The following DAPK1 variants were observed in gnomAD, a reference collection of about 807,000 sequenced individuals.
DAPK1 encodes death-associated protein kinase 1.
In DAPK1, 56 loss-of-function variants were observed where a neutral mutation model predicts 144.9. The observed-to-expected ratio is 0.39, with a 90% confidence interval of 0.31 to 0.48. The LOEUF (loss-of-function observed/expected upper bound fraction) is 0.48. Among genes scored for constraint, DAPK1 ranks in the 20% least tolerant of loss-of-function variants. The pLI is 0.95. For missense variants in DAPK1, 1,454 were observed against 1,875.4 expected (o/e 0.78, Z 4.15); for synonymous variants, 690 against 749.0 (o/e 0.92, Z 1.29).
chr9:87,549,683 C>A (rs1332305708), intron 2 of DAPK1, among the ~76,000 whole-genome samples: 2 of 152,224 alleles, frequency 1.3e-5, no homozygotes, highest in African/African-American at 2.4e-5. Flanking sequence ...CCTCCTTTTA[C>A]ATTGCTTTTA....
intron 2 of DAPK1, among the ~76,000 whole-genome samples, chr9:87,514,083 C>A (rs542025965): frequency 1.3e-5 from 2 of 152,160 alleles, no homozygotes; most frequent in Admixed American, 6.5e-5. Flanking sequence ...TTCCCCCACC[C>A]TCTGTAGAGA....
At chr9:87,596,273 G>A (rs528481145) in intron 2 of DAPK1, among the ~76,000 whole-genome samples, 6 of 152,290 alleles carry the variant, frequency 3.9e-5, no homozygotes, top group African/African-American at 1.2e-4. Flanking sequence ...GTATAGATAC[G>A]CACTGGGCAT....
intron 7 of DAPK1, 53 bp downstream of exon 7, chr9:87,639,868 G>A (rs1830036571): frequency 6.3e-7 from 1 of 1,586,382 alleles, no homozygotes; most frequent in Non-Finnish European, 8.6e-7. Flanking sequence ...GAGACCATAG[G>A]TTTAATTAAC....
chr9:87,549,469 G>T (rs945734966), intron 2 of DAPK1, among the ~76,000 whole-genome samples: 1 of 152,112 alleles, frequency 6.6e-6, no homozygotes, highest in Non-Finnish European at 1.5e-5. Context: ...GATTGCTGGG[G>T]ATTTCATTCT....
intron 2 of DAPK1, among the ~76,000 whole-genome samples, chr9:87,560,557 A>T (rs1452299318): frequency 1.3e-5 from 2 of 152,010 alleles, no homozygotes; most frequent in African/African-American, 4.8e-5. Flanking sequence ...ACTACTTTAG[A>T]TACCTCACAT....
rs142560362 is a variant in DAPK1, at chr9:87,606,527, TTCCTTCCC to T, written c.284+1353_284+1360del. On this transcript the variant is annotated intron_variant, in intron 3 of 25. Coordinates refer to ENST00000408954, the MANE Select transcript of DAPK1 (RefSeq NM_004938.4). Reference sequence around the variant, plus strand: ...CCTCCCTCTCTCCTTCCTTCCTTCCTTCCTTCCCCCCTCCCTCCCTCTCTCCCTCTCTC... The same window carrying T: ...CCTCCCTCTCTCCTTCCTTCCTTCCTCCCTCCCTCCCTCTCTCCCTCTCTC... Among the ~76,000 whole-genome samples, 499 of 102,454 alleles carry T rather than the reference TTCCTTCCC, an allele frequency of 4.9e-3. 6 individuals are homozygous for T. The highest frequency in any genetic ancestry group is 0.019 in the African/African-American group (463 of 24,648). 67.2% of individuals were successfully genotyped at this position (102,454 alleles called of 152,430 possible). A position where few individuals can be genotyped will look rare whatever the true frequency, so the allele number is the denominator to read the frequency against.
intron 11 of DAPK1, 23 bp downstream of exon 11, chr9:87,643,491 G>A (rs1390624046): frequency 4.2e-6 from 6 of 1,437,846 alleles, no homozygotes; most frequent in Non-Finnish European, 5.8e-6. Flanking sequence ...GTGAGCCCTG[G>A]TGCTCCTTTC....
intron 2 of DAPK1, among the ~76,000 whole-genome samples, chr9:87,520,123 A>G (rs1825241391): frequency 6.6e-6 from 1 of 152,210 alleles, no homozygotes; most frequent in Non-Finnish European, 1.5e-5. Flanking sequence ...ATGCTTGTAG[A>G]AAGGTGTATC....
rs1825698679 is a variant in DAPK1, at chr9:87,707,912, G to T, written c.*548G>T. ...ATGTGAGTGCCTTTTGCAGAAGAGGGTGTGTTTGAAATCATCGGAGTCAGC... is the reference window on the plus strand; with the variant it reads ...ATGTGAGTGCCTTTTGCAGAAGAGGTTGTGTTTGAAATCATCGGAGTCAGC... On this transcript the variant is annotated 3_prime_UTR_variant, in exon 26 of 26. Coordinates refer to ENST00000408954, the MANE Select transcript of DAPK1 (RefSeq NM_004938.4). The surrounding 1 kb of genome is among the most constrained non-coding windows in gnomAD (Gnocchi z 4.0). The T allele has an allele frequency of 2.2e-6, 1 of 455,624 alleles. No individual in the cohort carries two copies. Among genetic ancestry groups the T allele is most frequent in the African/African-American group, 2.0e-5 (1 of 50,038 alleles). The allele number at this position is 455,624 out of a possible 1,614,324, so 28.2% of individuals were successfully genotyped here.
chr9:87,571,498 A>ACACACACACACACACACACACACAC (rs1554684284), intron 2 of DAPK1, among the ~76,000 whole-genome samples: 19 of 46,500 alleles, frequency 4.1e-4, no homozygotes, highest in East Asian at 1.0e-3. Flanking sequence ...CACACACCCC[A>ACACACACACACACACACACACACAC]ACACACACAC....
At chr9:87,511,202 C>T (rs1824828023) in intron 2 of DAPK1, among the ~76,000 whole-genome samples, 1 of 152,196 alleles carries the variant, frequency 6.6e-6, no homozygotes, top group South Asian at 2.1e-4. Flanking sequence ...CTTTGCTTGT[C>T]TGTTCCATTT....
intron 2 of DAPK1, among the ~76,000 whole-genome samples, chr9:87,582,848 C>T (rs1310715846): frequency 6.6e-6 from 1 of 152,040 alleles, no homozygotes; most frequent in Non-Finnish European, 1.5e-5. Flanking sequence ...CCACCGCGCC[C>T]AGCCAGTTCT....
Position 87,707,433 on chromosome 9 carries a change from C to G in DAPK1, c.*69C>G. 1 of 1,084,116 alleles carries G rather than the reference C, an allele frequency of 9.2e-7. No individual in the cohort carries two copies. Among genetic ancestry groups the G allele is most frequent in the Non-Finnish European group, 1.3e-6 (1 of 745,132 alleles). The allele number at this position is 1,084,116 out of a possible 1,614,324, so 67.2% of individuals were successfully genotyped here. A position where few individuals can be genotyped will look rare whatever the true frequency, so the allele number is the denominator to read the frequency against. ...CAAGGGGGTGATGTAGCCCATCCTT[C>G]CCTTTGGAGATGCTGAGGGTGTTTC... is the stretch of plus-strand genomic sequence containing the variant. On this transcript the variant is annotated 3_prime_UTR_variant, in exon 26 of 26. Coordinates refer to ENST00000408954, the MANE Select transcript of DAPK1 (RefSeq NM_004938.4). This position sits in a 1 kb window ranked among gnomAD's most constrained non-coding sequence, Gnocchi z 4.0.
At chr9:87,542,515 G>A (rs1264740659) in intron 2 of DAPK1, among the ~76,000 whole-genome samples, 3 of 152,194 alleles carry the variant, frequency 2.0e-5, no homozygotes, top group Non-Finnish European at 4.4e-5. Context: ...GAGCTGTCCT[G>A]TGCCATAGGG....
chr9:87,612,670 G>A (rs1169006754), intron 3 of DAPK1, among the ~76,000 whole-genome samples: 1 of 152,206 alleles, frequency 6.6e-6, no homozygotes, highest in African/African-American at 2.4e-5. Context: ...AATTCTATAA[G>A]CAAGTTAGAA....
intron 13 of DAPK1, 131 bp downstream of exon 13, chr9:87,646,690 G>A (rs905057638): frequency 1.5e-6 from 1 of 670,576 alleles, no homozygotes; most frequent in South Asian, 1.9e-5. Flanking sequence ...AAGATGAGCT[G>A]CTTTTAAACA....
At chr9:87,506,406 G>C (rs1824595765) in intron 2 of DAPK1, among the ~76,000 whole-genome samples, 1 of 152,224 alleles carries the variant, frequency 6.6e-6, no homozygotes, top group Admixed American at 6.5e-5. Flanking sequence ...TTTCCAAATG[G>C]CTTCAGCCTT....
At chr9:87,608,986 G>A (rs1476446559) in intron 3 of DAPK1, among the ~76,000 whole-genome samples, 1 of 152,162 alleles carries the variant, frequency 6.6e-6, no homozygotes, top group East Asian at 1.9e-4. Context: ...ATGTTTTTGG[G>A]GTGAGATTAG....
chr9:87,590,381 AAAAAG>A lies in DAPK1; in HGVS notation c.63-14553_63-14549del, dbSNP rs527821719. Among the ~76,000 whole-genome samples the A allele has an allele frequency of 2.5e-3, 371 of 149,696 alleles. 2 individuals carry two copies. The highest frequency in any genetic ancestry group is 5.3e-3 in the African/African-American group (212 of 40,118). ...AGATCATTGGCCTCAAAAAAAAAAA[AAAAAG>A]AAAAGAAAAGAAAAGAAAAAGGAAG... On this transcript the variant is annotated intron_variant, in intron 2 of 25. Coordinates refer to ENST00000408954, the MANE Select transcript of DAPK1 (RefSeq NM_004938.4).
Sources: allele counts gnomAD v4.1 joint callset (sites outside exome capture counted in the v4.1 genomes callset), GRCh38; gene constraint gnomAD v4.1.1; non-coding constraint Gnocchi (gnomAD v3.1); transcripts MANE v1.5; gene names NCBI Gene and HGNC (gene_info 2026-07-23, HGNC 2026-07-21).